GMDS: variants seen among roughly 807,000 people sequenced by gnomAD.
GMDS encodes GDP-mannose 4,6-dehydratase, also known as GDP-mannose 4,6 dehydratase.
GMDS carries 20 observed loss-of-function variants against 49.9 expected under a neutral mutation model. The ratio of observed to expected loss-of-function variants is 0.40; its 90% CI spans 0.28 to 0.58. The LOEUF (loss-of-function observed/expected upper bound fraction) is 0.58, where lower values mean the gene tolerates loss of function less well. Among genes scored for constraint, GMDS ranks in the 20% least tolerant of loss-of-function variants. GMDS has a pLI of 0.42. For missense variants in GMDS, 362 were observed against 481.4 expected, an observed-to-expected ratio of 0.75 and a Z score of 2.32; for synonymous variants, 177 against 178.6, an observed-to-expected ratio of 0.99 and a Z score of 0.07.
In GMDS at chr6:2,057,156, C is replaced by A. The variant is rs191328428; in HGVS notation, c.345+58615G>T. Reference sequence around the variant, plus strand: ...TGGTAATGCCTTCCCAGGCCACCAGCCTTACTTCCTAAGGACATCATCCCT... The same window carrying A: ...TGGTAATGCCTTCCCAGGCCACCAGACTTACTTCCTAAGGACATCATCCCT... On this transcript the variant is annotated intron_variant, in intron 4 of 10. Transcript: ENST00000380815. 2.4e-4 allele frequency among the ~76,000 whole-genome samples: 36 copies of A among 152,282 alleles called. No homozygotes were observed. The East Asian group carries it at 6.9e-3, about 29-fold the overall frequency.
intron 7 of GMDS, among the ~76,000 whole-genome samples, chr6:1,779,949 G>C (rs978168519): frequency 6.6e-6 from 1 of 152,160 alleles, no homozygotes; most frequent in African/African-American, 2.4e-5. Context: ...TCCTGCCTCG[G>C]TTGGCTGAAG....
rs115184941 is a variant in GMDS, at chr6:2,161,311, T to C, written c.103-36580A>G. On this transcript the variant is annotated intron_variant, in intron 1 of 10. Coordinates refer to ENST00000380815, the MANE Select transcript of GMDS (RefSeq NM_001500.4). The stretch of plus-strand genomic sequence containing the variant: ...AGCGTGAGCCACCACACCCGGCCTA[T>C]ATGCTAAGATAATTTTAAAGTATAA... 5.7e-3 allele frequency among the ~76,000 whole-genome samples: 865 copies of C among 152,208 alleles called. 2 individuals carry two copies. Among genetic ancestry groups the C allele is most frequent in the Middle Eastern group, 0.017 (5 of 294 alleles).
rs114189247 is a variant in GMDS at position 1,956,355 on chromosome 6, A to G, written c.643+3512T>C. ...ATTTTCAAAACTATGCTGGTAGGCC[A>G]GATTTGGCCCATGAGTCCTAGATTG... is the stretch of plus-strand genomic sequence containing the variant. On this transcript the variant is annotated intron_variant, in intron 6 of 10. Transcript: ENST00000380815. Among the ~76,000 whole-genome samples, 938 of 152,346 alleles carry G rather than the reference A, an allele frequency of 6.2e-3. 9 individuals are homozygous for G. The highest frequency in any genetic ancestry group is 0.022 in the African/African-American group (911 of 41,566).
intron 7 of GMDS, among the ~76,000 whole-genome samples, chr6:1,759,669 G>A (rs950280899): frequency 5.9e-5 from 9 of 152,170 alleles, no homozygotes; most frequent in Non-Finnish European, 1.2e-4. Flanking sequence ...CCTGGCCTAC[G>A]TGCTTTAAAC....
intron 1 of GMDS, among the ~76,000 whole-genome samples, chr6:2,232,491 A>C (rs1307656063): frequency 6.6e-6 from 1 of 152,130 alleles, no homozygotes; most frequent in Non-Finnish European, 1.5e-5. Flanking sequence ...TACCACTCAC[A>C]TCCACTTTCA....
At chr6:1,905,639 G>GTCCCTGAGAAGGAGC (rs1207939302) in intron 7 of GMDS, among the ~76,000 whole-genome samples, 72 of 135,728 alleles carry the variant, frequency 5.3e-4, no homozygotes, top group South Asian at 1.0e-3. Flanking sequence ...ATCTGCATGT[G>GTCCCTGAGAAGGAGC]GGGCCAGCAC....
intron 1 of GMDS, among the ~76,000 whole-genome samples, chr6:2,200,013 A>T (rs912018243): frequency 6.6e-6 from 1 of 152,226 alleles, no homozygotes; most frequent in African/African-American, 2.4e-5. Context: ...ATACATATGA[A>T]CACTGTGATC....
intron 7 of GMDS, among the ~76,000 whole-genome samples, chr6:1,744,833 A>G (rs1374858704): frequency 1.2e-4 from 19 of 152,220 alleles, no homozygotes; most frequent in Admixed American, 1.2e-3. Context: ...CAGGGTCCCA[A>G]GTCTAGCCAC....
At chr6:2,019,831 T>C (rs1768160400) in intron 4 of GMDS, among the ~76,000 whole-genome samples, 1 of 152,172 alleles carries the variant, frequency 6.6e-6, no homozygotes, top group Non-Finnish European at 1.5e-5. Context: ...TTTCAGCATC[T>C]ACTAAGACCA....
At chr6:1,751,867 C>T (rs1434764332) in intron 7 of GMDS, among the ~76,000 whole-genome samples, 1 of 152,174 alleles carries the variant, frequency 6.6e-6, no homozygotes, top group African/African-American at 2.4e-5. Flanking sequence ...CACACAAAAA[C>T]TCCATCCAAA....
intron 4 of GMDS, among the ~76,000 whole-genome samples, chr6:2,001,537 A>G (rs1766818886): frequency 6.6e-6 from 1 of 152,134 alleles, no homozygotes; most frequent in South Asian, 2.1e-4. Context: ...GGTTTTTGAA[A>G]CTGATGCACT....
intron 6 of GMDS, among the ~76,000 whole-genome samples, chr6:1,932,093 G>A (rs1249434250): frequency 6.6e-6 from 1 of 152,216 alleles, no homozygotes; most frequent in Non-Finnish European, 1.5e-5. Flanking sequence ...AATGGAGCTT[G>A]AATGGAGTCT....
intron 9 of GMDS, among the ~76,000 whole-genome samples, chr6:1,705,305 G>C (rs1400947996): frequency 8.5e-5 from 13 of 152,240 alleles, no homozygotes; most frequent in Admixed American, 8.5e-4. Flanking sequence ...GACACAAGGT[G>C]ATGGGCACAA....
chr6:1,628,139 T>G (rs1404303434), intron 9 of GMDS, among the ~76,000 whole-genome samples: 1 of 152,244 alleles, frequency 6.6e-6, no homozygotes, highest in African/African-American at 2.4e-5. Flanking sequence ...GCAGCCATTT[T>G]TTAGGCTTTC....
At chr6:1,651,661 T>C (rs999202577) in intron 9 of GMDS, among the ~76,000 whole-genome samples, 7 of 152,154 alleles carry the variant, frequency 4.6e-5, no homozygotes, top group Admixed American at 3.3e-4. Context: ...GAGCCTGTGG[T>C]TGGCATCACA....
At chr6:2,067,957 A>C (rs1338005202) in intron 4 of GMDS, among the ~76,000 whole-genome samples, 2 of 151,616 alleles carry the variant, frequency 1.3e-5, no homozygotes, top group East Asian at 3.9e-4. Flanking sequence ...GCAGAGACAC[A>C]ACAAAAAAAG....
At chr6:1,749,433 C>A (rs926208359) in intron 7 of GMDS, among the ~76,000 whole-genome samples, 1 of 151,594 alleles carries the variant, frequency 6.6e-6, no homozygotes, top group Non-Finnish European at 1.5e-5. Flanking sequence ...ACAAAAAATA[C>A]AAAACTTAGC....
intron 1 of GMDS, among the ~76,000 whole-genome samples, chr6:2,127,671 C>A (rs1227862887): frequency 6.6e-6 from 1 of 152,216 alleles, no homozygotes; most frequent in Non-Finnish European, 1.5e-5. Flanking sequence ...GGGAAACGAG[C>A]CGAGCGAGGG....
chr6:2,241,229 CCCAA>C (rs1300337021), intron 1 of GMDS, among the ~76,000 whole-genome samples: 1 of 152,130 alleles, frequency 6.6e-6, no homozygotes, highest in Non-Finnish European at 1.5e-5. Flanking sequence ...AGAATGTCTA[CCCAA>C]TGACCGTACA....
Sources: gnomAD v4.1 joint callset for allele counts (sites outside exome capture counted in the v4.1 genomes callset) on GRCh38, gnomAD v4.1.1 for gene constraint, MANE v1.5 for transcripts, NCBI Gene and HGNC (gene_info 2026-07-23, HGNC 2026-07-21) for gene names.